The following CACNA1C variants were observed in gnomAD, a reference collection of about 807,000 sequenced individuals.
CACNA1C encodes the protein voltage-dependent L-type calcium channel subunit alpha-1C.
Under a neutral mutation model 229.0 loss-of-function variants are expected in CACNA1C, and 30 were observed. That is an observed-to-expected ratio of 0.13 (90% CI 0.10 to 0.18). The LOEUF (loss-of-function observed/expected upper bound fraction) is 0.18, where lower values mean the gene tolerates loss of function less well. Among genes scored for constraint, CACNA1C ranks in the 10% least tolerant of loss-of-function variants. The pLI is 1.00. For synonymous variants in CACNA1C, 1,114 were observed against 1,132.5 expected, an observed-to-expected ratio of 0.98 and a Z score of 0.33; for missense variants, 1,658 against 2,845.0, an observed-to-expected ratio of 0.58 and a Z score of 9.49.
chr12:2,177,003 C>T (rs1465081787), intron 3 of CACNA1C, among the ~76,000 whole-genome samples: 3 of 152,180 alleles, frequency 2.0e-5, no homozygotes, highest in Admixed American at 2.0e-4. Context: ...CCACCCATGG[C>T]CAGGTCGGCT....
At chr12:2,238,453 G>A (rs997499343) in intron 3 of CACNA1C, among the ~76,000 whole-genome samples, 3 of 152,242 alleles carry the variant, frequency 2.0e-5, no homozygotes, top group Admixed American at 6.5e-5. Flanking sequence ...GTGGTGAACA[G>A]TAAAAGGTTT....
At position 2,585,270 on chromosome 12, in the gene CACNA1C, A is replaced by T; in HGVS notation, c.2340-106A>T. 9.1e-7 allele frequency: 1 copy of T among 1,099,912 alleles called. No homozygotes were observed. Among genetic ancestry groups the T allele is most frequent in the Non-Finnish European group, 1.3e-6 (1 of 790,666 alleles). 68.1% of individuals were successfully genotyped at this position (1,099,912 alleles called of 1,614,324 possible). On this transcript the variant is annotated intron_variant, in intron 16 of 46. Transcript: ENST00000399655. This position sits in a 1 kb window ranked among gnomAD's most constrained non-coding sequence, Gnocchi z 4.1. Reference sequence around the variant, plus strand: ...AGGAAGATGGACTCAGACCCAGGGGATCTGTCCCCTCTGGCCCCAACAGGC... The same window carrying T: ...AGGAAGATGGACTCAGACCCAGGGGTTCTGTCCCCTCTGGCCCCAACAGGC...
intron 3 of CACNA1C, among the ~76,000 whole-genome samples, chr12:2,432,842 G>T (rs2099099500): frequency 6.6e-6 from 1 of 152,136 alleles, no homozygotes; most frequent in Non-Finnish European, 1.5e-5. Flanking sequence ...CAGCTAGAAT[G>T]CTTGCTGTGC....
chr12:1,976,732 T>C (rs538050002), intron 1 of CACNA1C, among the ~76,000 whole-genome samples: 4 of 152,072 alleles, frequency 2.6e-5, no homozygotes, highest in South Asian at 4.1e-4. Context: ...TAAAACTATA[T>C]GCAAAATGTC....
chr12:2,042,507 C>T lies in CACNA1C; in HGVS notation c.139+71306C>T, dbSNP rs541877547. ...TTACATGATCGAAGGGATATGTTGT[C>T]CGATTCAAGAGGCTTTCTAGACACC... On this transcript the variant is annotated intron_variant, in intron 1 of 46. Transcript: ENST00000682462. 3.3e-5 allele frequency among the ~76,000 whole-genome samples: 5 copies of T among 152,190 alleles called. No individual in the cohort carries two copies. In the South Asian group the frequency reaches 1.0e-3, roughly 32 times the overall value.
intron 3 of CACNA1C, among the ~76,000 whole-genome samples, chr12:2,306,436 C>T (rs2095031254): frequency 6.6e-6 from 1 of 152,188 alleles, no homozygotes; most frequent in Non-Finnish European, 1.5e-5. Context: ...CCTGGAAATG[C>T]CTCATAGCTA....
rs562383001 is a variant in CACNA1C at position 2,372,925 on chromosome 12, A to G, written c.478-76051A>G. ...AGCAGATGGATGCGGGGGCAGCCCC[A>G]GGAGAGGCCAGCAAGTCCGGTGCCG... On this transcript the variant is annotated intron_variant, in intron 3 of 46. Coordinates refer to ENST00000399655, the MANE Select transcript of CACNA1C (RefSeq NM_000719.7). 2.6e-5 allele frequency among the ~76,000 whole-genome samples: 4 copies of G among 152,368 alleles called. No individual in the cohort carries two copies. The South Asian group carries it at 8.3e-4, about 32-fold the overall frequency.
chr12:1,988,306 T>C (rs1334350874), intron 1 of CACNA1C, among the ~76,000 whole-genome samples: 5 of 152,334 alleles, frequency 3.3e-5, no homozygotes, highest in Non-Finnish European at 4.4e-5. Flanking sequence ...CTGGTCATCA[T>C]GGCAGAAGGA....
chr12:2,233,853 G>A (rs1394922864), intron 3 of CACNA1C, among the ~76,000 whole-genome samples: 1 of 152,178 alleles, frequency 6.6e-6, no homozygotes, highest in African/African-American at 2.4e-5. Context: ...GATCCCTTCA[G>A]CAAAGATTCT....
In CACNA1C at chr12:2,420,072, C is replaced by A. The variant is rs147119339; in HGVS notation, c.478-28904C>A. The stretch of plus-strand genomic sequence containing the variant: ...CCCTCTGGATGTCAGGACAACGCAG[C>A]CAGACAGGGTAATCAGACTTAGGCA... On this transcript the variant is annotated intron_variant, in intron 3 of 46. Transcript: ENST00000399655. 2.7e-3 allele frequency among the ~76,000 whole-genome samples: 390 copies of A among 146,768 alleles called. 2 individuals are homozygous for A. The highest frequency in any genetic ancestry group is 9.7e-3 in the African/African-American group (371 of 38,308).
chr12:2,615,941 C>A (rs1275547275), intron 29 of CACNA1C, among the ~76,000 whole-genome samples: 1 of 152,196 alleles, frequency 6.6e-6, no homozygotes, highest in Non-Finnish European at 1.5e-5. Context: ...CCTAACTCCT[C>A]CCCTCCACAC....
intron 3 of CACNA1C, among the ~76,000 whole-genome samples, chr12:2,372,125 A>G (rs981825690): frequency 5.9e-5 from 9 of 152,216 alleles, no homozygotes; most frequent in South Asian, 2.1e-4. Flanking sequence ...TTATAAGAAC[A>G]GATAGTATAT....
intron 3 of CACNA1C, among the ~76,000 whole-genome samples, chr12:2,390,065 G>A (rs1567403848): frequency 6.6e-6 from 1 of 152,182 alleles, no homozygotes; most frequent in Non-Finnish European, 1.5e-5. Context: ...TAGAAGTTGA[G>A]GGGTTATTTG....
At chr12:2,165,134 C>T (rs964232064) in intron 3 of CACNA1C, among the ~76,000 whole-genome samples, 14 of 152,166 alleles carry the variant, frequency 9.2e-5, no homozygotes, top group African/African-American at 3.4e-4. Flanking sequence ...CTTACAAAAA[C>T]ATGGGTTGAC....
chr12:2,191,106 G>A (rs2097196976), intron 3 of CACNA1C, among the ~76,000 whole-genome samples: 2 of 152,172 alleles, frequency 1.3e-5, no homozygotes, highest in South Asian at 4.1e-4. Context: ...CCACGGAGCA[G>A]CCCGTTCACC....
At chr12:2,577,209 G>A (rs879386252) in intron 13 of CACNA1C, among the ~76,000 whole-genome samples, 2 of 152,244 alleles carry the variant, frequency 1.3e-5, no homozygotes, top group East Asian at 1.9e-4. Context: ...GTCTGTCTGA[G>A]CCATGTTTTA....
At chr12:2,667,861 C>T (rs939703256) in intron 37 of CACNA1C, among the ~76,000 whole-genome samples, 1 of 152,166 alleles carries the variant, frequency 6.6e-6, no homozygotes, top group Non-Finnish European at 1.5e-5. Flanking sequence ...ACAAATAGCC[C>T]CCCTTGAGCA....
intron 3 of CACNA1C, among the ~76,000 whole-genome samples, chr12:2,276,466 G>C (rs2088121445): frequency 6.6e-6 from 1 of 152,240 alleles, no homozygotes; most frequent in African/African-American, 2.4e-5. Context: ...AGATGCTTTT[G>C]TTCAAGTGCA....
intron 3 of CACNA1C, among the ~76,000 whole-genome samples, chr12:2,187,197 T>C (rs1379894065): frequency 6.6e-6 from 1 of 152,242 alleles, no homozygotes; most frequent in Non-Finnish European, 1.5e-5. Context: ...TTCTGTCTTA[T>C]GGTTGGGGAA....
Sources: allele counts gnomAD v4.1 joint callset (sites outside exome capture counted in the v4.1 genomes callset), GRCh38; gene constraint gnomAD v4.1.1; non-coding constraint Gnocchi (gnomAD v3.1); transcripts MANE v1.5; gene names NCBI Gene and HGNC (gene_info 2026-07-23, HGNC 2026-07-21).